The following NF1 variants were observed in gnomAD, a reference collection of about 807,000 sequenced individuals.
NF1 encodes the protein neurofibromin 1, also known as neurofibromin.
NF1 carries 122 observed loss-of-function variants against 325.7 expected under a neutral mutation model. The observed-to-expected ratio is 0.37, with a 90% CI of 0.32 to 0.44. The LOEUF (loss-of-function observed/expected upper bound fraction) is 0.44. Among genes scored for constraint, NF1 ranks in the 20% least tolerant of loss-of-function variants. The pLI is 1.00. For synonymous variants in NF1, 1,091 were observed against 1,186.0 expected (o/e 0.92, Z 1.65); for missense variants, 2,140 against 3,415.4 (o/e 0.63, Z 9.31).
chr17:31,311,383 A>G (rs1352135422), intron 36 of NF1, among the ~76,000 whole-genome samples: 2 of 152,250 alleles, frequency 1.3e-5, no homozygotes, highest in Non-Finnish European at 2.9e-5. Context: ...TGGAGAGCAT[A>G]TCCTAGACAA....
rs71142016 is a variant in NF1, at chr17:31,100,008, TAA to T, written c.60+4654_60+4655del. On this transcript the variant is annotated intron_variant, in intron 1 of 57. Transcript: ENST00000358273. ...ATGGGAAAACTATGGATATTTGAACTAAAAAAAAAAAAAAAAGAATTAAAAAG... is the reference window on the plus strand; with the variant it reads ...ATGGGAAAACTATGGATATTTGAACTAAAAAAAAAAAAAAGAATTAAAAAG... Among the ~76,000 whole-genome samples the T allele has an allele frequency of 1.9e-4, 25 of 130,744 alleles. 1 individual carries two copies. The highest frequency in any genetic ancestry group is 4.6e-4 in the South Asian group (2 of 4,328). The allele number at this position is 130,744 out of a possible 152,430, so 85.8% of individuals were successfully genotyped here. A position where few individuals can be genotyped will look rare whatever the true frequency, so the allele number is the denominator to read the frequency against.
chr17:31,206,936 A>G (rs568534649), intron 12 of NF1, among the ~76,000 whole-genome samples: 36 of 152,310 alleles, frequency 2.4e-4, no homozygotes, highest in African/African-American at 5.8e-4. Context: ...CAGACTTAAA[A>G]TTGGGTATTC....
At chr17:31,139,078 C>T (rs1205142782) in intron 1 of NF1, among the ~76,000 whole-genome samples, 2 of 152,002 alleles carry the variant, frequency 1.3e-5, no homozygotes, top group Non-Finnish European at 2.9e-5. Flanking sequence ...GAGACAGTCT[C>T]ATTCTCTCGC....
intron 29 of NF1, among the ~76,000 whole-genome samples, chr17:31,238,857 C>G (rs1307069684): frequency 3.3e-5 from 5 of 151,988 alleles, no homozygotes; most frequent in African/African-American, 9.7e-5. Flanking sequence ...AACGGGGAAA[C>G]CCAGGGACAA....
chr17:31,363,023 G>A (rs913701946), intron 57 of NF1, among the ~76,000 whole-genome samples: 10 of 152,138 alleles, frequency 6.6e-5, no homozygotes, highest in Non-Finnish European at 4.4e-5. Flanking sequence ...AACTAATGGT[G>A]TCACCTCCAT....
At chr17:31,211,558 T>G (rs2066728430) in intron 12 of NF1, among the ~76,000 whole-genome samples, 1 of 152,212 alleles carries the variant, frequency 6.6e-6, no homozygotes, top group African/African-American at 2.4e-5. Flanking sequence ...TAGAGTCTGC[T>G]TACATGAACC....
chr17:31,115,484 A>T (rs2143331526), intron 1 of NF1, among the ~76,000 whole-genome samples: 2 of 152,294 alleles, frequency 1.3e-5, no homozygotes, highest in South Asian at 4.1e-4. Context: ...AATTTTTAGG[A>T]ATAATAGAGG....
intron 36 of NF1, among the ~76,000 whole-genome samples, chr17:31,269,447 T>G (rs2067851798): frequency 6.6e-6 from 1 of 152,232 alleles, no homozygotes; most frequent in Non-Finnish European, 1.5e-5. Context: ...AATTGTTGAA[T>G]AAATGATGAT....
chr17:31,299,253 A>G (rs938517817), intron 36 of NF1, among the ~76,000 whole-genome samples: 12 of 151,546 alleles, frequency 7.9e-5, no homozygotes, highest in African/African-American at 2.2e-4. Context: ...CGTTGTGCAC[A>G]TGTACCCTAA....
intron 36 of NF1, among the ~76,000 whole-genome samples, chr17:31,285,384 C>G (rs1398326905): frequency 1.3e-5 from 2 of 151,832 alleles, no homozygotes; most frequent in Non-Finnish European, 2.9e-5. Flanking sequence ...AGGTGATGCA[C>G]TTAGTTCCAA....
chr17:31,258,617 A>G lies in NF1; in HGVS notation c.4332+115A>G, dbSNP rs1262706570. Reference sequence around the variant, plus strand: ...TTGAAATACCCTATGGTTTTCAGTTATGTGCTTTTGTTTTATTTGTTTATA... The same window carrying G: ...TTGAAATACCCTATGGTTTTCAGTTGTGTGCTTTTGTTTTATTTGTTTATA... On this transcript the variant is annotated intron_variant, in intron 32 of 57. Coordinates refer to ENST00000358273, the MANE Select transcript of NF1 (RefSeq NM_001042492.3). The G allele has an allele frequency of 7.1e-6, 8 of 1,129,874 alleles. No homozygotes were observed. In the African/African-American group the frequency reaches 1.3e-4, roughly 18 times the overall value. 70.0% of individuals were successfully genotyped at this position (1,129,874 alleles called of 1,614,324 possible). A position where few individuals can be genotyped will look rare whatever the true frequency, so the allele number is the denominator to read the frequency against.
chr17:31,263,101 AGGTAGG>A (rs1567864132), intron 35 of NF1, among the ~76,000 whole-genome samples: 36 of 92,028 alleles, frequency 3.9e-4, no homozygotes, highest in African/African-American at 1.4e-3. Flanking sequence ...GTAGGTAGGT[AGGTAGG>A]TAGATAGATA....
chr17:31,235,898 C>T lies in NF1; in HGVS notation c.3871-20C>T, dbSNP rs778536665. Reference sequence around the variant, plus strand: ...TATATGGAGCAGGTATAATAAACTCCTATTCGTGCATTTCTGTAGGTATAT... The same window carrying T: ...TATATGGAGCAGGTATAATAAACTCTTATTCGTGCATTTCTGTAGGTATAT... On this transcript the variant is annotated intron_variant, in intron 28 of 57. Coordinates refer to ENST00000358273, the MANE Select transcript of NF1 (RefSeq NM_001042492.3). The T allele has an allele frequency of 1.2e-6, 2 of 1,609,806 alleles. No homozygotes were observed. The highest frequency in any genetic ancestry group is 1.1e-5 in the South Asian group (1 of 90,992).
chr17:31,363,903 G>T lies in NF1; in HGVS notation c.8377+3200G>T, dbSNP rs145033825. On this transcript the variant is annotated intron_variant, in intron 57 of 57. Transcript: ENST00000358273. ...TTACAAGTGCACACCACCACGCCTGGCTAATTATTGTATTTTTAGTAGAAA... is the reference window on the plus strand; with the variant it reads ...TTACAAGTGCACACCACCACGCCTGTCTAATTATTGTATTTTTAGTAGAAA... Among the ~76,000 whole-genome samples the T allele has an allele frequency of 8.6e-5, 13 of 151,804 alleles. No homozygotes were observed. The East Asian group carries it at 2.1e-3, about 25-fold the overall frequency.
chr17:31,160,679 C>T (rs898973852), intron 3 of NF1, among the ~76,000 whole-genome samples: 1 of 152,188 alleles, frequency 6.6e-6, no homozygotes, highest in African/African-American at 2.4e-5. Flanking sequence ...ATATCAGCCA[C>T]ACCCATGACT....
chr17:31,106,173 C>T (rs2143254391), intron 1 of NF1, among the ~76,000 whole-genome samples: 1 of 152,294 alleles, frequency 6.6e-6, no homozygotes, highest in South Asian at 2.1e-4. Context: ...GATTGTGCAA[C>T]TTGCAGTGTG....
intron 36 of NF1, among the ~76,000 whole-genome samples, chr17:31,269,178 C>T (rs1316655892): frequency 6.6e-6 from 1 of 152,144 alleles, no homozygotes; most frequent in Admixed American, 6.6e-5. Flanking sequence ...TCTAGGTAAT[C>T]TTAACATTTC....
chr17:31,306,401 G>T (rs955065166), intron 36 of NF1, among the ~76,000 whole-genome samples: 2 of 151,712 alleles, frequency 1.3e-5, no homozygotes, highest in African/African-American at 2.4e-5. Flanking sequence ...TATATATATA[G>T]ATAGATAGAC....
intron 33 of NF1, 106 bp from the exon 34 acceptor site, chr17:31,260,263 T>A: frequency 8.5e-7 from 1 of 1,171,176 alleles, no homozygotes. Flanking sequence ...GCCCTCCATA[T>A]TTGTAATCTT....
Sources: allele counts gnomAD v4.1 joint callset (sites outside exome capture counted in the v4.1 genomes callset), GRCh38; gene constraint gnomAD v4.1.1; transcripts MANE v1.5; gene names NCBI Gene and HGNC (gene_info 2026-07-23, HGNC 2026-07-21).